HEATR5B: variants seen among roughly 807,000 people sequenced by gnomAD.
HEATR5B encodes the protein HEAT repeat containing 5B.
A neutral mutation model predicts 224.1 loss-of-function variants in HEATR5B; 156 were observed. The ratio of observed to expected loss-of-function variants is 0.70; its 90% CI spans 0.61 to 0.80. The LOEUF (loss-of-function observed/expected upper bound fraction) is 0.80, where lower values mean the gene tolerates loss of function less well. Among genes scored for constraint, HEATR5B ranks in the 30% least tolerant of loss-of-function variants. The pLI, the probability that HEATR5B is intolerant of heterozygous loss-of-function variation, is 0.00. For synonymous variants in HEATR5B, 1,027 were observed against 893.0 expected (o/e 1.15, Z -2.68); for missense variants, 2,323 against 2,535.5 (o/e 0.92, Z 1.80).
In HEATR5B at chr2:37,001,673, CT is replaced by C. The variant is rs1222098568; in HGVS notation, c.5317+632del. 6.0e-3 allele frequency among the ~76,000 whole-genome samples: 858 copies of C among 143,760 alleles called. 6 individuals are homozygous for C. The highest frequency in any genetic ancestry group is 0.015 in the African/African-American group (597 of 39,566). 94.3% of individuals were successfully genotyped at this position (143,760 alleles called of 152,430 possible). On this transcript the variant is annotated intron_variant, in intron 32 of 35. Coordinates refer to ENST00000233099, the MANE Select transcript of HEATR5B (RefSeq NM_019024.3). ...TTCTTCAGAGTTTTTCTTTTTCTTTCTTTTTTTTTTTTGAGAGTCTTGCTCT... is the reference window on the plus strand; with the variant it reads ...TTCTTCAGAGTTTTTCTTTTTCTTTCTTTTTTTTTTTGAGAGTCTTGCTCT...
intron 2 of HEATR5B, among the ~76,000 whole-genome samples, chr2:37,080,204 T>C (rs1219076014): frequency 1.3e-5 from 2 of 152,194 alleles, no homozygotes; most frequent in Admixed American, 1.3e-4. Context: ...AGGGACCACA[T>C]CAGGTAATCT....
intron 17 of HEATR5B, among the ~76,000 whole-genome samples, chr2:37,050,892 T>A (rs1013671664): frequency 6.7e-6 from 1 of 149,220 alleles, no homozygotes; most frequent in East Asian, 2.0e-4. Context: ...ACAAAAAAAA[T>A]TAGCTGGGTG....
At chr2:37,041,036 C>T (rs1669838872) in intron 19 of HEATR5B, 97 bp downstream of exon 19, 2 of 937,676 alleles carry the variant, frequency 2.1e-6, no homozygotes, top group African/African-American at 1.7e-5. Flanking sequence ...ATATATTTGT[C>T]CTAACAACTT....
chr2:37,017,127 C>T (rs1025901488), intron 26 of HEATR5B, among the ~76,000 whole-genome samples: 2 of 152,136 alleles, frequency 1.3e-5, no homozygotes, highest in Non-Finnish European at 2.9e-5. Context: ...ATTTTCTTCA[C>T]ATTAAAGAAT....
intron 33 of HEATR5B, among the ~76,000 whole-genome samples, chr2:36,993,564 A>C (rs1485196860): frequency 6.6e-6 from 1 of 151,592 alleles, no homozygotes; most frequent in Non-Finnish European, 1.5e-5. Context: ...AAAAGAAAGA[A>C]AGTTTGATGG....
At chr2:37,025,522 T>C (rs983278213) in intron 24 of HEATR5B, among the ~76,000 whole-genome samples, 1 of 131,904 alleles carries the variant, frequency 7.6e-6, no homozygotes, top group South Asian at 2.5e-4. Flanking sequence ...GCTGCTATGG[T>C]ATAAAAACAG....
intron 28 of HEATR5B, chr2:37,008,112 T>C (rs1200090084): frequency 1.2e-5 from 2 of 162,154 alleles, no homozygotes; most frequent in Non-Finnish European, 1.3e-5. Flanking sequence ...ATCATTAATA[T>C]ATAGGAAGGA....
rs1191224598 is a variant in HEATR5B, at chr2:37,005,733, GGGAACAAAGAAAC to G, written c.4791_4803del (p.Gln1597HisfsTer22). 1 of 1,598,132 alleles carries G rather than the reference GGGAACAAAGAAAC, an allele frequency of 6.3e-7. No individual in the cohort carries two copies. The highest frequency in any genetic ancestry group is 8.5e-7 in the Non-Finnish European group (1 of 1,175,372). On this transcript the variant is annotated frameshift_variant, in exon 30 of 36. Transcript: ENST00000233099. LOFTEE classifies it high-confidence loss of function. Reference sequence around the variant, plus strand: ...TGTTCAATGGGCTCCTCAGGTCTAGGGGAACAAAGAAACTGTATACTCACACCTGAAATGCACA... The same window carrying G: ...TGTTCAATGGGCTCCTCAGGTCTAGGTGTATACTCACACCTGAAATGCACA...
At chr2:37,001,681 T>C (rs1667100664) in intron 32 of HEATR5B, among the ~76,000 whole-genome samples, 1 of 151,932 alleles carries the variant, frequency 6.6e-6, no homozygotes, top group Non-Finnish European at 1.5e-5. Flanking sequence ...TTCTTTTTTT[T>C]TTTTGAGAGT....
In HEATR5B at chr2:37,077,067, A is replaced by G. The variant is rs545066601; in HGVS notation, c.339-48T>C. 8.5e-6 allele frequency: 12 copies of G among 1,406,140 alleles called. No individual in the cohort carries two copies. In the Admixed American group the frequency reaches 2.1e-4, roughly 25 times the overall value. The allele number at this position is 1,406,140 out of a possible 1,614,324, so 87.1% of individuals were successfully genotyped here. On this transcript the variant is annotated intron_variant, in intron 3 of 35. Transcript: ENST00000233099. Reference sequence around the variant, plus strand: ...TAGTCATTGTCCAGGTTAATGATACAATTATACTTTTCTCATTTTTAGAAA... The same window carrying G: ...TAGTCATTGTCCAGGTTAATGATACGATTATACTTTTCTCATTTTTAGAAA...
intron 25 of HEATR5B, among the ~76,000 whole-genome samples, 176 bp from the exon 26 acceptor site, chr2:37,020,053 A>G (rs1668373000): frequency 1.3e-5 from 2 of 151,802 alleles, no homozygotes; most frequent in Non-Finnish European, 2.9e-5. Context: ...ATAGGCATGC[A>G]CCACTACTGC....
intron 7 of HEATR5B, among the ~76,000 whole-genome samples, chr2:37,069,908 T>TC (rs1334393231): frequency 6.6e-6 from 1 of 151,158 alleles, no homozygotes; most frequent in Non-Finnish European, 1.5e-5. Context: ...ATCTTTTTTT[T>TC]TTTTTTTGAG....
intron 18 of HEATR5B, among the ~76,000 whole-genome samples, chr2:37,042,416 G>C (rs1197162434): frequency 6.6e-6 from 1 of 152,144 alleles, no homozygotes; most frequent in Non-Finnish European, 1.5e-5. Context: ...AAGAACATCA[G>C]TTTGAAAAGT....
At chr2:36,988,612 C>A in intron 35 of HEATR5B, 34 bp downstream of exon 35, 2 of 1,524,958 alleles carry the variant, frequency 1.3e-6, no homozygotes, top group Non-Finnish European at 1.8e-6. Context: ...GATCTTCATT[C>A]TGAACTAGTA....
intron 2 of HEATR5B, among the ~76,000 whole-genome samples, 182 bp from the exon 3 acceptor site, chr2:37,079,513 C>G (rs1411678898): frequency 6.6e-6 from 1 of 152,102 alleles, no homozygotes; most frequent in Non-Finnish European, 1.5e-5. Flanking sequence ...GCCATTCTTT[C>G]CTACATTAAA....
chr2:37,055,632 T>G (rs1670862681), intron 16 of HEATR5B, among the ~76,000 whole-genome samples: 1 of 152,204 alleles, frequency 6.6e-6, no homozygotes, highest in Non-Finnish European at 1.5e-5. Context: ...CATTTTTTAT[T>G]TTGTAATTTT....
rs1325386867 is a variant in HEATR5B, at chr2:36,994,059, C to T, written c.5546-3260G>A. ...CTTCTGTGGTTATGGAAGGGAATGT[C>T]CTTGTTCTTAGGATATCCATGAAGT... is the stretch of plus-strand genomic sequence containing the variant. On this transcript the variant is annotated intron_variant, in intron 33 of 35. Coordinates refer to ENST00000233099, the MANE Select transcript of HEATR5B (RefSeq NM_019024.3). 2.0e-5 allele frequency among the ~76,000 whole-genome samples: 3 copies of T among 152,022 alleles called. No individual in the cohort carries two copies. In the East Asian group the frequency reaches 5.8e-4, roughly 29 times the overall value.
intron 34 of HEATR5B, among the ~76,000 whole-genome samples, chr2:36,989,661 C>A (rs536791354): frequency 5.8e-4 from 88 of 152,078 alleles, no homozygotes; most frequent in African/African-American, 2.1e-3. Context: ...AGAAAGGCTT[C>A]AGATTAACAC....
In HEATR5B at chr2:37,056,562, A is replaced by G. The variant is rs368293789; in HGVS notation, c.2277T>C (p.Ser759=). Reference sequence around the variant, plus strand: ...CTCCAGCAGGTATGCGTAAATAAATAGAGGAAGGATCATGCTCCAGAGCCC... The same window carrying G: ...CTCCAGCAGGTATGCGTAAATAAATGGAGGAAGGATCATGCTCCAGAGCCC... ...GSGALEHDPS[S]IYLRIPAGEA... The change falls in exon 16 of 36, where the codon TCT becomes TCC. Residue 759 remains serine (S), a synonymous_variant. Transcript: ENST00000233099. 3 of 1,613,318 alleles carry G rather than the reference A, an allele frequency of 1.9e-6. No homozygotes were observed. In the African/African-American group the frequency reaches 4.0e-5, roughly 22 times the overall value.
Sources: allele counts gnomAD v4.1 joint callset (sites outside exome capture counted in the v4.1 genomes callset), GRCh38; gene constraint gnomAD v4.1.1; transcripts MANE v1.5; gene names NCBI Gene and HGNC (gene_info 2026-07-23, HGNC 2026-07-21).